Variants in DRD3 observed in about 807,000 individuals in gnomAD.
DRD3 encodes dopamine receptor D3, also known as D(3) dopamine receptor.
DRD3 carries 19 observed loss-of-function variants against 36.3 expected under a neutral mutation model. The observed-to-expected ratio is 0.52, with a 90% CI of 0.36 to 0.77. The LOEUF is 0.77. Ranked by LOEUF, DRD3 falls within the 30% of genes least tolerant of loss-of-function variation. DRD3 has a pLI of 0.00. For missense variants in DRD3, 465 were observed against 505.3 expected, an observed-to-expected ratio of 0.92 and a Z score of 0.77; for synonymous variants, 195 against 203.7, an observed-to-expected ratio of 0.96 and a Z score of 0.36.
intron 1 of DRD3, among the ~76,000 whole-genome samples, chr3:114,187,438 C>T (rs1305303041): frequency 6.6e-6 from 1 of 152,224 alleles, no homozygotes; most frequent in African/African-American, 2.4e-5. Flanking sequence ...AAGTTCAGTT[C>T]TCCCCAGCAG....
At position 114,139,477 on chromosome 3, in the gene DRD3, TCTACC is replaced by T. The variant is rs768603927; in HGVS notation, c.723+18_723+22del. The T allele has an allele frequency of 7.5e-6, 12 of 1,605,310 alleles. No homozygotes were observed. Among genetic ancestry groups the T allele is most frequent in the Admixed American group, 1.7e-5 (1 of 59,828 alleles). ...TCAGGAGATTGGGTGTTGTCTTCCCTCTACCCCCTCCAGGGTACTTACTTGCTGGG... is the reference window on the plus strand; with the variant it reads ...TCAGGAGATTGGGTGTTGTCTTCCCTCCCTCCAGGGTACTTACTTGCTGGG... On this transcript the variant is annotated intron_variant, in intron 5 of 6. Transcript: ENST00000383673.
chr3:114,132,993 T>C (rs1286655672), intron 5 of DRD3, among the ~76,000 whole-genome samples: 1 of 127,482 alleles, frequency 7.8e-6, no homozygotes, highest in Non-Finnish European at 1.8e-5. Context: ...ACAGTCCGTA[T>C]TCTTTTTTTT....
chr3:114,169,599 A>G (rs2077819860), intron 2 of DRD3, among the ~76,000 whole-genome samples: 1 of 152,032 alleles, frequency 6.6e-6, no homozygotes. Flanking sequence ...AGAAACCAAA[A>G]ACTTCATCAG....
chr3:114,143,391 A>G (rs937358077), intron 4 of DRD3, among the ~76,000 whole-genome samples: 2 of 152,160 alleles, frequency 1.3e-5, no homozygotes, highest in Admixed American at 1.3e-4. Flanking sequence ...TCATTCTACA[A>G]ATTTTGTGGA....
At chr3:114,183,837 T>C (rs1207724427), upstream of DRD3, among the ~76,000 whole-genome samples, 3 of 152,116 alleles carry the variant, frequency 2.0e-5, no homozygotes, top group African/African-American at 7.2e-5. Context: ...TTTTTTATTA[T>C]TTTTGTGTGT....
intron 5 of DRD3, among the ~76,000 whole-genome samples, chr3:114,132,085 T>G (rs1343899521): frequency 6.6e-6 from 1 of 152,228 alleles, no homozygotes; most frequent in African/African-American, 2.4e-5. Flanking sequence ...TAAATCATTC[T>G]ACTGTAAAGA....
intron 4 of DRD3, among the ~76,000 whole-genome samples, chr3:114,142,223 C>T (rs2077532335): frequency 6.6e-6 from 1 of 152,066 alleles, no homozygotes; most frequent in African/African-American, 2.4e-5. Context: ...GTGATCTGCT[C>T]CTTCTCTGAA....
intron 1 of DRD3, among the ~76,000 whole-genome samples, chr3:114,174,851 C>T (rs72944697): frequency 0.023 from 3,467 of 150,940 alleles, 140 homozygotes; most frequent in African/African-American, 0.08. Context: ...AGATAGGAAA[C>T]GGGTCTCAGG....
intron 5 of DRD3, among the ~76,000 whole-genome samples, chr3:114,132,169 A>G (rs1440302214): frequency 6.6e-6 from 1 of 152,242 alleles, no homozygotes; most frequent in African/African-American, 2.4e-5. Context: ...ATGCCCATCA[A>G]TGATAGACTG....
intron 1 of DRD3, among the ~76,000 whole-genome samples, chr3:114,190,464 T>TA (rs60380329): frequency 2.8e-4 from 2 of 7,222 alleles, no homozygotes; most frequent in African/African-American, 5.5e-4. Context: ...ATATATATAT[T>TA]TTTTTTTTTT....
chr3:114,184,481 A>T (rs186064319), intron 1 of DRD3, among the ~76,000 whole-genome samples: 2 of 152,220 alleles, frequency 1.3e-5, no homozygotes, highest in Admixed American at 1.3e-4. Context: ...AAATACTACT[A>T]GCTTTTATAA....
chr3:114,128,506 A>C lies in DRD3; in HGVS notation c.*210T>G. The C allele has an allele frequency of 7.0e-6, 3 of 429,888 alleles. No homozygotes were observed. 26.6% of individuals were successfully genotyped at this position (429,888 alleles called of 1,614,324 possible). A position where few individuals can be genotyped will look rare whatever the true frequency, so the allele number is the denominator to read the frequency against. ...CACTTGGAAGCTCCCCAGTCATTTG[A>C]AGATTGTCAGAATGAAGTCAGATTT... On this transcript the variant is annotated 3_prime_UTR_variant, in exon 7 of 7. Transcript: ENST00000383673.
intron 1 of DRD3, among the ~76,000 whole-genome samples, chr3:114,191,115 G>T (rs1009207762): frequency 1.3e-5 from 2 of 152,184 alleles, no homozygotes; most frequent in Non-Finnish European, 2.9e-5. Context: ...TCTATGACAG[G>T]CCTGTTTTGG....
chr3:114,182,699 C>T (rs754217478), upstream of DRD3, among the ~76,000 whole-genome samples: 4 of 152,096 alleles, frequency 2.6e-5, no homozygotes, highest in Non-Finnish European at 1.5e-5. Context: ...GCAACCTCAG[C>T]CTACCAGGTT....
chr3:114,180,436 G>A (rs112329502), upstream of DRD3, among the ~76,000 whole-genome samples: 7,005 of 152,080 alleles, frequency 0.046, 212 homozygotes, highest in South Asian at 0.085. Flanking sequence ...CAATATGACT[G>A]GTTTCCTATA....
intron 2 of DRD3, among the ~76,000 whole-genome samples, chr3:114,166,957 G>A (rs1559995907): frequency 6.6e-6 from 1 of 152,118 alleles, no homozygotes; most frequent in Non-Finnish European, 1.5e-5. Flanking sequence ...CCAGTAGGGA[G>A]GTCTTAAATT....
chr3:114,197,213 G>A lies in DRD3; in HGVS notation c.-156+2060C>T, dbSNP rs144603757. 1.2e-3 allele frequency among the ~76,000 whole-genome samples: 175 copies of A among 149,904 alleles called. 5 individuals are homozygous for A. The East Asian group carries it at 0.03, about 26-fold the overall frequency. ...TGTAACTTCAAACTCCTTGGTTTCA[G>A]CGATCCCCCGGCCTAAGCATCCTGA... On this transcript the variant is annotated intron_variant, in intron 1 of 7. Coordinates refer to the DRD3 transcript ENST00000460779.
At chr3:114,183,475 T>C (rs1309890475), upstream of DRD3, among the ~76,000 whole-genome samples, 1 of 152,160 alleles carries the variant, frequency 6.6e-6, no homozygotes, top group Non-Finnish European at 1.5e-5. Flanking sequence ...CTCTATTTTC[T>C]TACTTATTTT....
At chr3:114,164,252 A>AAAAAAAAAT (rs2077761894) in intron 2 of DRD3, among the ~76,000 whole-genome samples, 1 of 142,222 alleles carries the variant, frequency 7.0e-6, no homozygotes, top group African/African-American at 2.7e-5. Context: ...AAAAAAAAAA[A>AAAAAAAAAT]GTGAAAAAAA....
Sources: allele counts gnomAD v4.1 joint callset (sites outside exome capture counted in the v4.1 genomes callset), GRCh38; gene constraint gnomAD v4.1.1; transcripts MANE v1.5; gene names NCBI Gene and HGNC (gene_info 2026-07-23, HGNC 2026-07-21).